KLHL1: variants seen among roughly 807,000 people sequenced by gnomAD.
KLHL1 encodes kelch like family member 1.
KLHL1 carries 47 observed loss-of-function variants against 77.7 expected under a neutral mutation model. The observed-to-expected ratio is 0.60, with a 90% CI of 0.48 to 0.77. The LOEUF is 0.77. Ranked by LOEUF, KLHL1 falls within the 30% of genes least tolerant of loss-of-function variation. The pLI, the probability that KLHL1 is intolerant of heterozygous loss-of-function variation, is 0.00. For missense variants in KLHL1, 925 were observed against 910.8 expected, an observed-to-expected ratio of 1.02 and a Z score of -0.20; for synonymous variants, 360 against 325.2, an observed-to-expected ratio of 1.11 and a Z score of -1.15.
intron 1 of KLHL1, among the ~76,000 whole-genome samples, chr13:70,068,431 A>C: frequency 6.6e-6 from 1 of 152,354 alleles, no homozygotes; most frequent in African/African-American, 2.4e-5. Flanking sequence ...TTATGATTTT[A>C]TTAGGACCTG....
intron 1 of KLHL1, among the ~76,000 whole-genome samples, chr13:70,082,272 C>T (rs1334405226): frequency 1.3e-5 from 2 of 149,782 alleles, no homozygotes; most frequent in African/African-American, 2.5e-5. Flanking sequence ...AATATAGTCA[C>T]TCTAGAGTTT....
chr13:69,961,323 G>T lies in KLHL1; in HGVS notation c.802C>A (p.Gln268Lys). The change falls in exon 3 of 11, where the codon CAA becomes AAA. Residue 268 changes from glutamine to lysine, a missense_variant. Gln to Lys is a moderately conservative substitution (Grantham distance 53). Coordinates refer to ENST00000377844, the MANE Select transcript of KLHL1 (RefSeq NM_020866.3). ...TTTGCCATACCTGTATATGCAAATT[G>T]GACAAGGTCCCAGAGAGCATTGGGG... ...IDPNALWDLV[Q>K]FAYTGCLELK... 6.2e-7 allele frequency: 1 copy of T among 1,611,778 alleles called. No individual in the cohort carries two copies. Among genetic ancestry groups the T allele is most frequent in the Non-Finnish European group, 8.5e-7 (1 of 1,178,490 alleles).
At chr13:69,904,762 T>G (rs1876739333) in intron 4 of KLHL1, among the ~76,000 whole-genome samples, 1 of 152,140 alleles carries the variant, frequency 6.6e-6, no homozygotes, top group African/African-American at 2.4e-5. Flanking sequence ...GCTTAATCAT[T>G]AAGTTATGTT....
chr13:69,744,941 C>G (rs948658952), intron 7 of KLHL1, among the ~76,000 whole-genome samples: 2 of 151,920 alleles, frequency 1.3e-5, no homozygotes, highest in Admixed American at 1.3e-4. Flanking sequence ...TGTACACTTT[C>G]TTGATGTACA....
chr13:70,108,276 T>C lies in KLHL1; in HGVS notation c.-577A>G, dbSNP rs1306856567. 1.6e-5 allele frequency: 6 copies of C among 373,260 alleles called. No individual in the cohort carries two copies. The highest frequency in any genetic ancestry group is 1.0e-4 in the African/African-American group (5 of 48,148). 23.1% of individuals were successfully genotyped at this position (373,260 alleles called of 1,614,324 possible). A position where few individuals can be genotyped will look rare whatever the true frequency, so the allele number is the denominator to read the frequency against. On this transcript the variant is annotated 5_prime_UTR_variant, in exon 1 of 11. Coordinates refer to ENST00000377844, the MANE Select transcript of KLHL1 (RefSeq NM_020866.3). ...CACCTGCGCCCCTGTCCCTGGCCTT[T>C]TCGAGGATGCCCCGATAGCCTGCCG... is the stretch of plus-strand genomic sequence containing the variant.
chr13:69,703,246 A>T (rs1316724005), intron 10 of KLHL1, among the ~76,000 whole-genome samples: 2 of 151,640 alleles, frequency 1.3e-5, no homozygotes, highest in Non-Finnish European at 1.5e-5. Flanking sequence ...TCTTAACATG[A>T]AAGCACAACG....
chr13:69,921,837 C>T (rs182414399), intron 4 of KLHL1, among the ~76,000 whole-genome samples: 31 of 149,598 alleles, frequency 2.1e-4, no homozygotes, highest in Admixed American at 2.0e-3. Flanking sequence ...CAAGGTTATA[C>T]AAAAGCATAG....
intron 4 of KLHL1, among the ~76,000 whole-genome samples, chr13:69,919,523 C>A (rs1387737403): frequency 6.6e-6 from 1 of 151,722 alleles, no homozygotes; most frequent in Non-Finnish European, 1.5e-5. Flanking sequence ...AAACAGGTGG[C>A]AGAAAAATGT....
chr13:69,930,944 CT>C (rs1190752536), intron 4 of KLHL1, among the ~76,000 whole-genome samples: 1 of 151,564 alleles, frequency 6.6e-6, no homozygotes, highest in Non-Finnish European at 1.5e-5. Context: ...CATCAATTTT[CT>C]TCTAGCTCAA....
intron 1 of KLHL1, among the ~76,000 whole-genome samples, chr13:70,064,936 C>T (rs1201532109): frequency 1.3e-5 from 2 of 152,154 alleles, no homozygotes; most frequent in Non-Finnish European, 2.9e-5. Context: ...TGAAAGTTTC[C>T]TTGAACCCCT....
chr13:70,033,997 G>T (rs771818391), intron 1 of KLHL1, among the ~76,000 whole-genome samples: 2 of 152,088 alleles, frequency 1.3e-5, no homozygotes, highest in Admixed American at 6.6e-5. Context: ...TCTCTACTCA[G>T]AAATATCCCA....
chr13:70,013,180 A>G lies in KLHL1; in HGVS notation c.498-37378T>C, dbSNP rs777573508. 1.8e-4 allele frequency among the ~76,000 whole-genome samples: 27 copies of G among 152,198 alleles called. 1 individual carries two copies. The highest frequency in any genetic ancestry group is 3.8e-4 in the Non-Finnish European group (26 of 68,018). On this transcript the variant is annotated intron_variant, in intron 1 of 10. Coordinates refer to ENST00000377844, the MANE Select transcript of KLHL1 (RefSeq NM_020866.3). ...GAAACTCACATGATAAAGAAGAAAT[A>G]TAAACAAGCAAAGAATCACAAAAGT...
chr13:69,720,432 C>A (rs1006618898), intron 8 of KLHL1, among the ~76,000 whole-genome samples: 1 of 152,004 alleles, frequency 6.6e-6, no homozygotes, highest in Non-Finnish European at 1.5e-5. Context: ...ATTGTTAAAA[C>A]TTTTATTGAT....
At position 70,097,096 on chromosome 13, in the gene KLHL1, T is replaced by A. The variant is rs147862951; in HGVS notation, c.497+10107A>T. The stretch of plus-strand genomic sequence containing the variant: ...CACATCCAACATCATGGCTCAGTTC[T>A]GGGGTAATTAGCATACATTATGGGA... On this transcript the variant is annotated intron_variant, in intron 1 of 10. Transcript: ENST00000377844. 8.5e-4 allele frequency among the ~76,000 whole-genome samples: 130 copies of A among 152,138 alleles called. 1 individual carries two copies. The highest frequency in any genetic ancestry group is 3.0e-3 in the African/African-American group (124 of 41,554).
chr13:69,726,050 A>G (rs1160783532), intron 8 of KLHL1, among the ~76,000 whole-genome samples: 2 of 152,056 alleles, frequency 1.3e-5, no homozygotes, highest in Admixed American at 6.6e-5. Context: ...ATTTAGCTTT[A>G]TTTATAATCT....
At chr13:69,863,237 G>A (rs1880240670) in intron 5 of KLHL1, among the ~76,000 whole-genome samples, 1 of 151,882 alleles carries the variant, frequency 6.6e-6, no homozygotes, top group South Asian at 2.1e-4. Context: ...TCAGTACTCA[G>A]AGATACTGAA....
intron 4 of KLHL1, among the ~76,000 whole-genome samples, chr13:69,897,695 G>A (rs1444158826): frequency 6.6e-6 from 1 of 152,138 alleles, no homozygotes; most frequent in Non-Finnish European, 1.5e-5. Flanking sequence ...ACCATCCTCA[G>A]TTGATGACTA....
At chr13:69,922,334 C>T (rs190067783) in intron 4 of KLHL1, among the ~76,000 whole-genome samples, 15 of 152,026 alleles carry the variant, frequency 9.9e-5, no homozygotes, top group African/African-American at 3.4e-4. Flanking sequence ...GAGAGAATAA[C>T]GTGTAAGGAC....
At chr13:70,027,768 C>T (rs2137361420) in intron 1 of KLHL1, among the ~76,000 whole-genome samples, 1 of 149,018 alleles carries the variant, frequency 6.7e-6, no homozygotes, top group South Asian at 2.1e-4. Flanking sequence ...TTTTAAGCCT[C>T]TGAGATTTGG....
Sources: allele counts gnomAD v4.1 joint callset (sites outside exome capture counted in the v4.1 genomes callset), GRCh38; gene constraint gnomAD v4.1.1; transcripts MANE v1.5; gene names NCBI Gene and HGNC (gene_info 2026-07-23, HGNC 2026-07-21).